Variants in KLRC3 observed in about 807,000 individuals in gnomAD.
KLRC3 encodes the protein NKG2-E type II integral membrane protein.
KLRC3 carries 16 observed loss-of-function variants against 23.6 expected under a neutral mutation model. The ratio of observed to expected loss-of-function variants is 0.68; its 90% CI spans 0.46 to 1.03. The LOEUF is 1.03. KLRC3 is among the 50% of genes least tolerant of loss of function. The probability of loss-of-function intolerance (pLI) is 0.00; values close to 1 mark genes in which losing one functional copy is unlikely to be tolerated. For missense variants in KLRC3, 209 were observed against 232.2 expected (o/e 0.90, Z 0.65); for synonymous variants, 70 against 71.8 (o/e 0.98, Z 0.13).
At position 10,419,244 on chromosome 12, in the gene KLRC3, A is replaced by G. The variant is rs1445207318; in HGVS notation, c.287-156T>C. 1.4e-4 allele frequency among the ~76,000 whole-genome samples: 7 copies of G among 49,956 alleles called. 2 individuals are homozygous for G. Among genetic ancestry groups the G allele is most frequent in the African/African-American group, 5.1e-4 (7 of 13,622 alleles). 32.8% of individuals were successfully genotyped at this position (49,956 alleles called of 152,430 possible). A position where few individuals can be genotyped will look rare whatever the true frequency, so the allele number is the denominator to read the frequency against. ...TCTATAAAAATATATAAAGTAATAG[A>G]CCTTTGAAATAAACATTTTTAAAGA... On this transcript the variant is annotated intron_variant, in intron 2 of 6. Transcript: ENST00000396439.
intron 6 of KLRC3, 103 bp from the exon 7 acceptor site, chr12:10,412,719 C>T (rs914887656): frequency 2.6e-5 from 17 of 644,662 alleles, no homozygotes; most frequent in African/African-American, 1.7e-4. Context: ...GAGGTGAGGT[C>T]GAGGCTGCAG....
At chr12:10,417,538 G>A (rs1441326465) in intron 4 of KLRC3, among the ~76,000 whole-genome samples, 1 of 152,170 alleles carries the variant, frequency 6.6e-6, no homozygotes, top group African/African-American at 2.4e-5. Flanking sequence ...CAAGGCTGGT[G>A]CCACTGGCAA....
chr12:10,417,735 A>C (rs538648148), intron 4 of KLRC3, among the ~76,000 whole-genome samples: 117 of 152,352 alleles, frequency 7.7e-4, no homozygotes, highest in African/African-American at 2.8e-3. Flanking sequence ...TAGAGACATA[A>C]GACAGAATGA....
In KLRC3 at chr12:10,419,900, C is replaced by G; in HGVS notation, c.252G>C (p.Met84Ile). Residue 84 changes from methionine to isoleucine, a missense_variant, in exon 2 of 7, where the codon ATG becomes ATC. Met to Ile is a conservative substitution (Grantham distance 10, BLOSUM62 1). Transcript: ENST00000396439. ...GAACTATTGTTTTTAACACAGTGGC[C>G]ATCAGGACAATGCAAATGATTCCTA... ...EVLGIICIVLMATVLKTIVLI... is the reference protein window; with the variant it reads ...EVLGIICIVLIATVLKTIVLI... 1.7e-6 allele frequency: 1 copy of G among 588,246 alleles called. No homozygotes were observed. Among genetic ancestry groups the G allele is most frequent in the Non-Finnish European group, 2.9e-6 (1 of 350,664 alleles). 36.4% of individuals were successfully genotyped at this position (588,246 alleles called of 1,614,324 possible).
chr12:10,416,754 C>T lies in KLRC3; in HGVS notation c.500G>A (p.Ser167Asn), dbSNP rs150203203. The T allele has an allele frequency of 1.3e-4, 207 of 1,587,136 alleles. No homozygotes were observed. The African/African-American group carries it at 2.4e-3, about 18-fold the overall frequency. Residue 167 changes from serine (S) to asparagine (N), a missense_variant, in exon 5 of 7, where the codon AGC (serine) becomes AAC (asparagine). Physicochemically the swap from Ser to Asn is conservative, Grantham distance 46. Transcript: ENST00000396439. ...DNEEEMKFLASILPSSWIGVF... is the reference protein window; with the variant it reads ...DNEEEMKFLANILPSSWIGVF... ...ACCAATCCATGAGGAAGGTAAAATG[C>T]TGGCCAGAAATTTCTAAAAGAAAAG...
At chr12:10,414,545 A>T (rs1863612973) in intron 6 of KLRC3, among the ~76,000 whole-genome samples, 1 of 149,340 alleles carries the variant, frequency 6.7e-6, no homozygotes, top group Non-Finnish European at 1.5e-5. Flanking sequence ...ACATGGATAG[A>T]AAAAATAAAA....
rs184286957 is a variant in KLRC3, at chr12:10,420,322, C to T, written c.187+42G>A. 3.0e-5 allele frequency: 47 copies of T among 1,588,794 alleles called. No individual in the cohort carries two copies. In the East Asian group the frequency reaches 1.1e-3, roughly 36 times the overall value. On this transcript the variant is annotated intron_variant, in intron 1 of 6. Coordinates refer to ENST00000396439, the MANE Select transcript of KLRC3 (RefSeq NM_002261.3). ...CCTCACCCTTCTGCATTCAACTGCACATCCCAGAACAATAACATTGAAGAT... is the reference window on the plus strand; with the variant it reads ...CCTCACCCTTCTGCATTCAACTGCATATCCCAGAACAATAACATTGAAGAT...
intron 4 of KLRC3, among the ~76,000 whole-genome samples, chr12:10,417,029 A>G (rs1863654795): frequency 6.6e-6 from 1 of 151,978 alleles, no homozygotes; most frequent in African/African-American, 2.4e-5. Context: ...AAGTTTCCTG[A>G]TACTGTGCAT....
rs370281229 is a variant in KLRC3 at position 10,415,750 on chromosome 12, T to C, written c.632A>G (p.His211Arg). ...CTGGTCTGATATAAGTCCACGTACA[T>C]GTAGCATTGCACAGTTACGTTCAGC... Reference protein sequence around the residue: ...DHAERNCAMLHVRGLISDQCG... With the variant: ...DHAERNCAMLRVRGLISDQCG... Residue 211 changes from histidine (H) to arginine (R), a missense_variant, in exon 6 of 7, where the codon CAT becomes CGT. By Grantham distance (29) the His-to-Arg change is conservative. This residue lies in a region of KLRC3 where 74 missense variants were observed against 51.0 expected (regional missense o/e 1.45). Transcript: ENST00000396439. 1.2e-6 allele frequency: 2 copies of C among 1,613,406 alleles called. No individual in the cohort carries two copies. The highest frequency in any genetic ancestry group is 1.7e-6 in the Non-Finnish European group (2 of 1,179,658).
chr12:10,413,125 C>T (rs553162895), intron 6 of KLRC3, among the ~76,000 whole-genome samples: 10 of 152,220 alleles, frequency 6.6e-5, no homozygotes, highest in Non-Finnish European at 1.2e-4. Context: ...AAAACCAGTA[C>T]CTCACCACAT....
intron 6 of KLRC3, among the ~76,000 whole-genome samples, chr12:10,413,982 G>C (rs1863607521): frequency 1.3e-5 from 2 of 152,076 alleles, no homozygotes; most frequent in Non-Finnish European, 2.9e-5. Context: ...GGCTAAAGCA[G>C]TACTCTTAAC....
chr12:10,412,613 G>A lies in KLRC3; in HGVS notation c.682C>T (p.Arg228Trp), dbSNP rs61743085. The A allele has an allele frequency of 2.6e-5, 18 of 700,474 alleles. No homozygotes were observed. Among genetic ancestry groups the A allele is most frequent in the Middle Eastern group, 4.6e-4 (2 of 4,322 alleles). 43.4% of individuals were successfully genotyped at this position (700,474 alleles called of 1,614,324 possible). A position where few individuals can be genotyped will look rare whatever the true frequency, so the allele number is the denominator to read the frequency against. Residue 228 changes from arginine to tryptophan, a missense_variant, in exon 7 of 7, where the codon CGG becomes TGG. Arg to Trp is a moderately radical substitution (Grantham distance 101). Around this residue, in one of 4 missense-constraint regions of KLRC3, gnomAD observed 74 missense variants for 51.0 expected, o/e 1.45. Transcript: ENST00000396439. ...DQCGSSRIIR[R>W]GFIMLTRLVL... ...AGCCTGGTCAACATGATGAAACCCC[G>A]TCTCTACAAAAAAATACGAAAATTA...
chr12:10,417,369 TTGTC>T (rs1280688316), intron 4 of KLRC3, among the ~76,000 whole-genome samples: 1 of 151,892 alleles, frequency 6.6e-6, no homozygotes, highest in Non-Finnish European at 1.5e-5. Context: ...AAAGATGAAA[TTGTC>T]TGGGACCCTA....
chr12:10,415,595 T>A, intron 6 of KLRC3, 109 bp downstream of exon 6: 1 of 1,509,458 alleles, frequency 6.6e-7, no homozygotes, highest in African/African-American at 1.4e-5. Context: ...AATAACACAA[T>A]TCATTTTAAG....
At chr12:10,416,807 T>C in intron 4 of KLRC3, 40 bp from the exon 5 acceptor site, 1 of 1,482,282 alleles carries the variant, frequency 6.7e-7, no homozygotes, top group Non-Finnish European at 9.1e-7. Context: ...ATAATAATTA[T>C]GAAAACATTA....
chr12:10,418,083 T>A (rs1863670738), intron 4 of KLRC3, among the ~76,000 whole-genome samples: 1 of 152,144 alleles, frequency 6.6e-6, no homozygotes, highest in African/African-American at 2.4e-5. Context: ...CATATCATGC[T>A]CAATAAAATT....
In KLRC3 at chr12:10,412,434, C is replaced by T. The variant is rs1863588674; in HGVS notation, c.*138G>A. ...GAGGGAAAAGTAATTTTTAAAACAT[C>T]ATCTAGTTAAAAATAGGGAGGGCAG... On this transcript the variant is annotated 3_prime_UTR_variant, in exon 7 of 7. Coordinates refer to ENST00000396439, the MANE Select transcript of KLRC3 (RefSeq NM_002261.3). 15 of 652,384 alleles carry T rather than the reference C, an allele frequency of 2.3e-5. No individual in the cohort carries two copies. The South Asian group carries it at 2.6e-4, about 11-fold the overall frequency. 40.4% of individuals were successfully genotyped at this position (652,384 alleles called of 1,614,324 possible). A position where few individuals can be genotyped will look rare whatever the true frequency, so the allele number is the denominator to read the frequency against.
chr12:10,416,656 A>T lies in KLRC3; in HGVS notation c.587+11T>A, dbSNP rs777222802. The T allele has an allele frequency of 2.5e-6, 4 of 1,609,476 alleles. No homozygotes were observed. In the Admixed American group the frequency reaches 6.7e-5, roughly 27 times the overall value. On this transcript the variant is annotated intron_variant, in intron 5 of 6. Coordinates refer to ENST00000396439, the MANE Select transcript of KLRC3 (RefSeq NM_002261.3). The stretch of plus-strand genomic sequence containing the variant: ...ATATTTTTTTATATAGCACCCTATA[A>T]AACAACTTACTCATGTTTGAAAGCC...
At position 10,419,195 on chromosome 12, in the gene KLRC3, G is replaced by A. The variant is rs568342473; in HGVS notation, c.287-107C>T. On this transcript the variant is annotated intron_variant, in intron 2 of 6. Coordinates refer to ENST00000396439, the MANE Select transcript of KLRC3 (RefSeq NM_002261.3). ...CTTTGTGTGTTATTTAAAATGGGGA[G>A]AATCTTTAATAAAATTAACTTTTTC... The A allele has an allele frequency of 3.4e-3, 404 of 119,416 alleles. 3 individuals carry two copies. Among genetic ancestry groups the A allele is most frequent in the African/African-American group, 0.021 (382 of 17,770 alleles). The allele number at this position is 119,416 out of a possible 1,614,324, so 7.4% of individuals were successfully genotyped here. A position where few individuals can be genotyped will look rare whatever the true frequency, so the allele number is the denominator to read the frequency against.
Sources: allele counts gnomAD v4.1 joint callset (sites outside exome capture counted in the v4.1 genomes callset), GRCh38; gene constraint gnomAD v4.1.1; regional missense constraint gnomAD v4.1.1; transcripts MANE v1.5; gene names NCBI Gene and HGNC (gene_info 2026-07-23, HGNC 2026-07-21).